The following PRR11 variants were observed in gnomAD, a reference collection of about 807,000 sequenced individuals.
PRR11 encodes the protein proline rich 11.
PRR11 carries 30 observed loss-of-function variants against 45.6 expected under a neutral mutation model. That is an observed-to-expected ratio of 0.66 (90% CI 0.49 to 0.89). PRR11 has a LOEUF of 0.89. PRR11 is among the 40% of genes least tolerant of loss of function. The pLI, the probability that PRR11 is intolerant of heterozygous loss-of-function variation, is 0.00. For synonymous variants in PRR11, 128 were observed against 153.5 expected (o/e 0.83, Z 1.23); for missense variants, 373 against 424.8 (o/e 0.88, Z 1.07).
At chr17:59,168,828 G>A (rs184961112) in intron 1 of PRR11, among the ~76,000 whole-genome samples, 162 of 152,238 alleles carry the variant, frequency 1.1e-3, no homozygotes, top group Non-Finnish European at 1.8e-3. Flanking sequence ...AGACTTACAG[G>A]TTTGGACTTA....
intron 1 of PRR11, among the ~76,000 whole-genome samples, chr17:59,168,952 T>C (rs2046692976): frequency 6.6e-6 from 1 of 152,170 alleles, no homozygotes; most frequent in Non-Finnish European, 1.5e-5. Context: ...TAGTAAGGGT[T>C]AACTGAAAAG....
intron 7 of PRR11, among the ~76,000 whole-genome samples, chr17:59,196,210 CA>C (rs1568327555): frequency 6.6e-6 from 1 of 151,010 alleles, no homozygotes; most frequent in African/African-American, 2.4e-5. Flanking sequence ...AGTTAATTTT[CA>C]AAAAGATAGG....
intron 4 of PRR11, among the ~76,000 whole-genome samples, chr17:59,185,920 C>T (rs1003650193): frequency 1.3e-5 from 2 of 152,030 alleles, no homozygotes; most frequent in African/African-American, 4.8e-5. Context: ...ATATATTGTC[C>T]AGATTGGTCA....
rs889718520 is a variant in PRR11, at chr17:59,191,926, A to T, written c.403-1566A>T. 2.9e-4 allele frequency among the ~76,000 whole-genome samples: 44 copies of T among 152,198 alleles called. 1 individual carries two copies. Among genetic ancestry groups the T allele is most frequent in the Non-Finnish European group, 5.9e-5 (4 of 68,040 alleles). On this transcript the variant is annotated intron_variant, in intron 4 of 9. Transcript: ENST00000262293. ...AAGTCATTTAACTCCTCTGGGCCTC[A>T]GTTTCCTCCTCTATAAATTTGGGAT...
intron 2 of PRR11, among the ~76,000 whole-genome samples, chr17:59,182,959 C>T (rs1032737093): frequency 6.6e-6 from 1 of 152,130 alleles, no homozygotes; most frequent in Non-Finnish European, 1.5e-5. Context: ...GTTATCAATT[C>T]TCGAGGCTGA....
At chr17:59,196,853 T>G (rs772949935) in intron 7 of PRR11, among the ~76,000 whole-genome samples, 1 of 152,026 alleles carries the variant, frequency 6.6e-6, no homozygotes, top group Non-Finnish European at 1.5e-5. Context: ...TACTGCTATT[T>G]TTTTTCTTTT....
intron 2 of PRR11, chr17:59,181,804 C>T: frequency 6.5e-7 from 1 of 1,533,774 alleles, no homozygotes; most frequent in Non-Finnish European, 8.9e-7. Context: ...ACCTTAGACC[C>T]CGACCCCGAC....
rs1220210737 is a variant in PRR11, at chr17:59,169,974, C to CGGGTGCA, written c.128+96_128+102dup. 3 of 1,422,100 alleles carry CGGGTGCA rather than the reference C, an allele frequency of 2.1e-6. No individual in the cohort carries two copies. The African/African-American group carries it at 4.3e-5, about 21-fold the overall frequency. The allele number at this position is 1,422,100 out of a possible 1,614,324, so 88.1% of individuals were successfully genotyped here. A position where few individuals can be genotyped will look rare whatever the true frequency, so the allele number is the denominator to read the frequency against. On this transcript the variant is annotated intron_variant, in intron 2 of 9. Transcript: ENST00000262293. ...TAGCAAATAAAAATAGAAGGCAGGCCGGGTGCAGTCATTCATTCCTGTAAT... is the reference window on the plus strand; with the variant it reads ...TAGCAAATAAAAATAGAAGGCAGGCCGGGTGCAGGGTGCAGTCATTCATTCCTGTAAT...
chr17:59,188,896 C>T (rs552786696), intron 4 of PRR11, among the ~76,000 whole-genome samples: 24 of 150,816 alleles, frequency 1.6e-4, no homozygotes, highest in South Asian at 1.5e-3. Context: ...GCTGAGATCG[C>T]GCCACAGCAC....
Position 59,203,869 on chromosome 17 carries a change from G to A in PRR11, c.*2238G>A, listed in dbSNP as rs542869801. On this transcript the variant is annotated 3_prime_UTR_variant, in exon 10 of 10. Coordinates refer to ENST00000262293, the MANE Select transcript of PRR11 (RefSeq NM_018304.4). ...AAAAAAAAATTAAATGGGTAGTGAC[G>A]TTAAGAGATATATATCAGCTTCTAG... 1.3e-5 allele frequency: 2 copies of A among 149,968 alleles called. No individual in the cohort carries two copies. Among genetic ancestry groups the A allele is most frequent in the African/African-American group, 4.9e-5 (2 of 40,918 alleles). The allele number at this position is 149,968 out of a possible 1,614,324, so 9.3% of individuals were successfully genotyped here. A position where few individuals can be genotyped will look rare whatever the true frequency, so the allele number is the denominator to read the frequency against.
chr17:59,169,707 T>C, intron 1 of PRR11, 41 bp from the exon 2 acceptor site: 1 of 1,471,938 alleles, frequency 6.8e-7, no homozygotes, highest in Non-Finnish European at 9.1e-7. Flanking sequence ...TATATGTATA[T>C]ATTATTCTTC....
At chr17:59,181,594 C>T in intron 2 of PRR11, 1 of 1,379,630 alleles carries the variant, frequency 7.2e-7, no homozygotes, top group African/African-American at 1.4e-5. Flanking sequence ...CATTTTGAGC[C>T]CACACAGCAT....
At chr17:59,169,055 T>C (rs1189034342) in intron 1 of PRR11, among the ~76,000 whole-genome samples, 1 of 151,686 alleles carries the variant, frequency 6.6e-6, no homozygotes, top group African/African-American at 2.4e-5. Flanking sequence ...CCTGTCACAG[T>C]GGATGCTCAG....
At chr17:59,181,876 T>A in intron 2 of PRR11, 2 of 1,333,426 alleles carry the variant, frequency 1.5e-6, no homozygotes, top group Non-Finnish European at 2.0e-6. Context: ...CTCCAAGCCA[T>A]CTTTCTGGCT....
At chr17:59,199,320 G>A (rs1387600588) in intron 9 of PRR11, among the ~76,000 whole-genome samples, 1 of 152,224 alleles carries the variant, frequency 6.6e-6, no homozygotes, top group Non-Finnish European at 1.5e-5. Context: ...GTTCCATGGG[G>A]TGAGGGATCA....
chr17:59,195,243 G>A (rs1230322799), intron 6 of PRR11, 88 bp from the exon 7 acceptor site: 5 of 970,854 alleles, frequency 5.2e-6, no homozygotes, highest in Non-Finnish European at 8.1e-6. Flanking sequence ...CACAAACTCA[G>A]CACTCAGATA....
At chr17:59,188,467 G>A (rs890486759) in intron 4 of PRR11, among the ~76,000 whole-genome samples, 5 of 151,978 alleles carry the variant, frequency 3.3e-5, no homozygotes, top group African/African-American at 1.2e-4. Context: ...GAAAAATAGC[G>A]AAAACTTACA....
intron 4 of PRR11, among the ~76,000 whole-genome samples, chr17:59,192,380 C>T (rs1246424318): frequency 4.6e-5 from 7 of 152,188 alleles, no homozygotes; most frequent in Non-Finnish European, 1.0e-4. Flanking sequence ...TTTTCAACCA[C>T]CAAGTTTGGG....
At chr17:59,186,305 C>T (rs1388088109) in intron 4 of PRR11, among the ~76,000 whole-genome samples, 1 of 149,090 alleles carries the variant, frequency 6.7e-6, no homozygotes, top group Non-Finnish European at 1.5e-5. Context: ...TTTCCAGAAT[C>T]ACAGAGCTCA....
Sources: allele counts gnomAD v4.1 joint callset (sites outside exome capture counted in the v4.1 genomes callset), GRCh38; gene constraint gnomAD v4.1.1; transcripts MANE v1.5; gene names NCBI Gene and HGNC (gene_info 2026-07-23, HGNC 2026-07-21).